The following PAAF1 variants were observed in gnomAD, a reference collection of about 807,000 sequenced individuals.
The protein encoded by PAAF1 is proteasomal ATPase associated factor 1, also known as proteasomal ATPase-associated factor 1.
Under a neutral mutation model 52.8 loss-of-function variants are expected in PAAF1, and 46 were observed. That is an observed-to-expected ratio of 0.87 (90% CI 0.69 to 1.11). PAAF1 has a LOEUF of 1.11. Ranked by LOEUF, PAAF1 falls within the 50% of genes most tolerant of loss-of-function variation. The pLI, the probability that PAAF1 is intolerant of heterozygous loss-of-function variation, is 0.00. For synonymous variants in PAAF1, 178 were observed against 172.8 expected (o/e 1.03, Z -0.24); for missense variants, 424 against 477.4 (o/e 0.89, Z 1.04).
At chr11:73,896,466 C>A (rs1439852387) in intron 4 of PAAF1, among the ~76,000 whole-genome samples, 1 of 150,632 alleles carries the variant, frequency 6.6e-6, no homozygotes, top group Non-Finnish European at 1.5e-5. Flanking sequence ...TGTTTGTGTC[C>A]CTGGGTACTT....
At chr11:73,898,787 C>G (rs930371366) in intron 4 of PAAF1, among the ~76,000 whole-genome samples, 2 of 152,132 alleles carry the variant, frequency 1.3e-5, no homozygotes, top group Admixed American at 1.3e-4. Flanking sequence ...GCACTCCAGC[C>G]TGGGTGATGG....
chr11:73,883,407 A>T (rs1948971184), intron 2 of PAAF1, among the ~76,000 whole-genome samples: 1 of 152,152 alleles, frequency 6.6e-6, no homozygotes, highest in South Asian at 2.1e-4. Context: ...CCTAGCAACC[A>T]CTAGTTTACT....
intron 4 of PAAF1, among the ~76,000 whole-genome samples, chr11:73,897,502 G>A (rs1174161522): frequency 2.1e-5 from 3 of 144,266 alleles, no homozygotes; most frequent in East Asian, 2.1e-4. Context: ...CTCACATCCC[G>A]GACAGGGTGG....
chr11:73,894,577 C>T (rs1949292818), intron 4 of PAAF1, among the ~76,000 whole-genome samples: 1 of 151,870 alleles, frequency 6.6e-6, no homozygotes, highest in African/African-American at 2.4e-5. Context: ...CACATGTATA[C>T]ATATGTAACT....
rs1950414757 is a variant in PAAF1 at position 73,928,723 on chromosome 11, G to A, written c.*1361G>A. 1 of 152,002 alleles carries A rather than the reference G, an allele frequency of 6.6e-6. No homozygotes were observed. Among genetic ancestry groups the A allele is most frequent in the South Asian group, 2.1e-4 (1 of 4,816 alleles). 9.4% of individuals were successfully genotyped at this position (152,002 alleles called of 1,614,324 possible). A position where few individuals can be genotyped will look rare whatever the true frequency, so the allele number is the denominator to read the frequency against. ...CTGGGGTAATAATGTTGTTGACAGA[G>A]TTCTTTTTTTTGTTTTTTTTGAGAC... On this transcript the variant is annotated 3_prime_UTR_variant, in exon 12 of 12. Transcript: ENST00000310571.
chr11:73,902,943 C>T (rs1016555277), intron 6 of PAAF1, among the ~76,000 whole-genome samples: 1 of 152,224 alleles, frequency 6.6e-6, no homozygotes, highest in Non-Finnish European at 1.5e-5. Flanking sequence ...TTGTGATCGC[C>T]TGCCGTGGCC....
intron 4 of PAAF1, among the ~76,000 whole-genome samples, chr11:73,897,631 G>C (rs1206205711): frequency 2.0e-5 from 3 of 150,214 alleles, no homozygotes; most frequent in Non-Finnish European, 4.4e-5. Context: ...TGGGATGGCG[G>C]CCGGGCAGAG....
chr11:73,923,283 G>C (rs1950274175), intron 10 of PAAF1, among the ~76,000 whole-genome samples: 1 of 151,902 alleles, frequency 6.6e-6, no homozygotes. Context: ...AGTTTGAAAA[G>C]GTTAATGTCT....
chr11:73,891,066 T>C (rs1362426232), intron 3 of PAAF1, 46 bp from the exon 4 acceptor site: 2 of 1,112,116 alleles, frequency 1.8e-6, no homozygotes, highest in Non-Finnish European at 2.7e-6. Flanking sequence ...TTATAATACA[T>C]TGGAGGAGTT....
chr11:73,900,478 G>C (rs889029699), intron 6 of PAAF1, 58 bp downstream of exon 6: 88 of 1,501,244 alleles, frequency 5.9e-5, no homozygotes, highest in Non-Finnish European at 7.8e-5. Context: ...ATGAATCACT[G>C]AAAAGGTAGA....
At chr11:73,880,686 C>CGG (rs200051596) in intron 2 of PAAF1, 1 of 38,056 alleles carries the variant, frequency 2.6e-5, no homozygotes, top group Non-Finnish European at 4.3e-5. Flanking sequence ...GACTCTGTCT[C>CGG]GAAAAAAAAA....
chr11:73,912,093 T>C (rs567923335), intron 7 of PAAF1, among the ~76,000 whole-genome samples: 1 of 152,206 alleles, frequency 6.6e-6, no homozygotes, highest in African/African-American at 2.4e-5. Flanking sequence ...TTTCATTGAC[T>C]GCTACTTCTT....
intron 7 of PAAF1, among the ~76,000 whole-genome samples, chr11:73,910,883 G>A (rs923719011): frequency 5.3e-5 from 8 of 151,586 alleles, no homozygotes; most frequent in African/African-American, 1.2e-4. Context: ...CCAGCTACTC[G>A]GGAGGCTAAG....
intron 4 of PAAF1, among the ~76,000 whole-genome samples, chr11:73,894,784 A>G (rs560030458): frequency 3.2e-4 from 48 of 152,282 alleles, no homozygotes; most frequent in African/African-American, 1.1e-3. Flanking sequence ...AGGTTGCGCC[A>G]CTGCACTCCA....
At chr11:73,908,211 G>A (rs1461416374) in intron 6 of PAAF1, among the ~76,000 whole-genome samples, 1 of 149,132 alleles carries the variant, frequency 6.7e-6, no homozygotes, top group Admixed American at 6.7e-5. Context: ...CAGCATATAT[G>A]TAAATAAATA....
At chr11:73,912,383 G>A (rs1157049885) in intron 7 of PAAF1, among the ~76,000 whole-genome samples, 1 of 152,026 alleles carries the variant, frequency 6.6e-6, no homozygotes, top group Non-Finnish European at 1.5e-5. Flanking sequence ...AGATGGCACC[G>A]CTATCTACCC....
chr11:73,893,199 G>A (rs1949244562), intron 4 of PAAF1, among the ~76,000 whole-genome samples: 1 of 152,146 alleles, frequency 6.6e-6, no homozygotes, highest in South Asian at 2.1e-4. Flanking sequence ...TGTAAAAGTG[G>A]AATTGCTAAG....
chr11:73,897,122 T>A (rs1485835608), intron 4 of PAAF1, among the ~76,000 whole-genome samples: 3 of 115,760 alleles, frequency 2.6e-5, no homozygotes, highest in African/African-American at 6.7e-5. Flanking sequence ...CACTTCCCAG[T>A]AGGGGCGGCC....
intron 6 of PAAF1, among the ~76,000 whole-genome samples, chr11:73,909,169 A>G (rs920658400): frequency 6.6e-6 from 1 of 152,234 alleles, no homozygotes; most frequent in East Asian, 1.9e-4. Flanking sequence ...TCCACTAAAA[A>G]TTAAATCCAG....
Sources: allele counts gnomAD v4.1 joint callset (sites outside exome capture counted in the v4.1 genomes callset), GRCh38; gene constraint gnomAD v4.1.1; transcripts MANE v1.5; gene names NCBI Gene and HGNC (gene_info 2026-07-23, HGNC 2026-07-21).